Variants in LRP1B observed in about 807,000 individuals in gnomAD.
The protein encoded by LRP1B is LDL receptor related protein 1B.
Under a neutral mutation model 556.6 loss-of-function variants are expected in LRP1B, and 217 were observed. That is an observed-to-expected ratio of 0.39 (90% CI 0.35 to 0.44). The LOEUF (loss-of-function observed/expected upper bound fraction) is 0.44. Ranked by LOEUF, LRP1B falls within the 20% of genes least tolerant of loss-of-function variation. The pLI is 1.00. For missense variants in LRP1B, 5,053 were observed against 5,620.8 expected (o/e 0.90, Z 3.23); for synonymous variants, 2,047 against 1,865.8 (o/e 1.10, Z -2.50).
chr2:141,105,963 G>T (rs2104950980), intron 7 of LRP1B, among the ~76,000 whole-genome samples: 1 of 152,154 alleles, frequency 6.6e-6, no homozygotes, highest in East Asian at 1.9e-4. Flanking sequence ...GTTAAAAGTT[G>T]GGAGGAAATG....
chr2:140,647,921 C>CATT (rs1684542275), intron 41 of LRP1B, among the ~76,000 whole-genome samples: 1 of 152,138 alleles, frequency 6.6e-6, no homozygotes, highest in African/African-American at 2.4e-5. Context: ...CCATTTGACC[C>CATT]AGTGATCTCA....
At chr2:141,500,104 G>C (rs746596195) in intron 2 of LRP1B, among the ~76,000 whole-genome samples, 28 of 152,182 alleles carry the variant, frequency 1.8e-4, no homozygotes, top group Non-Finnish European at 3.4e-4. Context: ...TTAGGAAGAG[G>C]GGGATGTCTT....
At chr2:141,904,416 A>G (rs1699700744) in intron 1 of LRP1B, among the ~76,000 whole-genome samples, 1 of 151,822 alleles carries the variant, frequency 6.6e-6, no homozygotes, top group Non-Finnish European at 1.5e-5. Context: ...CTTATCCTGT[A>G]AAGGTGGTGT....
chr2:140,966,033 A>T (rs576449123), intron 18 of LRP1B, among the ~76,000 whole-genome samples: 8 of 152,312 alleles, frequency 5.3e-5, no homozygotes, highest in African/African-American at 1.7e-4. Flanking sequence ...ATGTGTCTTT[A>T]TAGAAGCATG....
intron 41 of LRP1B, among the ~76,000 whole-genome samples, chr2:140,639,466 A>G (rs1436947095): frequency 6.6e-6 from 1 of 152,196 alleles, no homozygotes. Flanking sequence ...CTTTACATGA[A>G]TAATTATGCA....
intron 52 of LRP1B, among the ~76,000 whole-genome samples, chr2:140,507,507 C>T (rs1689470453): frequency 6.6e-6 from 1 of 151,974 alleles, no homozygotes. Context: ...CCGTAAGTAC[C>T]ACACAAATGA....
chr2:140,325,096 AGTAGGGAAAAGAAAGTGAAACAGAAAG>A (rs1319607541), intron 80 of LRP1B, among the ~76,000 whole-genome samples: 2 of 152,110 alleles, frequency 1.3e-5, no homozygotes, highest in East Asian at 3.9e-4. Flanking sequence ...AAGGAGTTGA[AGTAGGGAAAAGAAAGTGAAACAGAAAG>A]GGAAGAAATT....
chr2:140,429,500 A>G (rs906460989), intron 66 of LRP1B, among the ~76,000 whole-genome samples: 49 of 152,248 alleles, frequency 3.2e-4, no homozygotes, highest in African/African-American at 7.2e-4. Flanking sequence ...CTGTACTGCC[A>G]CAAGGCTTCA....
At chr2:141,038,016 C>T (rs193009412) in intron 11 of LRP1B, among the ~76,000 whole-genome samples, 1 of 152,008 alleles carries the variant, frequency 6.6e-6, no homozygotes, top group East Asian at 1.9e-4. Context: ...TTTTTTAAAT[C>T]TCCTTACCTC....
intron 22 of LRP1B, among the ~76,000 whole-genome samples, chr2:140,903,471 C>T (rs1422124444): frequency 6.6e-6 from 1 of 151,980 alleles, no homozygotes; most frequent in Admixed American, 6.6e-5. Context: ...TCTATTATGA[C>T]TGGAAAGATT....
At chr2:141,328,177 A>G (rs113517755) in intron 3 of LRP1B, among the ~76,000 whole-genome samples, 3,191 of 152,312 alleles carry the variant, frequency 0.021, 57 homozygotes, top group Non-Finnish European at 0.034. Flanking sequence ...GCACTCATGC[A>G]TGTACATTCA....
intron 3 of LRP1B, among the ~76,000 whole-genome samples, chr2:141,401,144 G>A (rs938702094): frequency 1.3e-5 from 2 of 152,098 alleles, no homozygotes; most frequent in African/African-American, 4.8e-5. Context: ...TTCCCTTACT[G>A]ACATTAAAAT....
intron 3 of LRP1B, among the ~76,000 whole-genome samples, chr2:141,373,559 C>G (rs1689313800): frequency 6.6e-6 from 1 of 151,400 alleles, no homozygotes; most frequent in African/African-American, 2.4e-5. Flanking sequence ...TTGTTGTATC[C>G]TTTTAATAAA....
In LRP1B at chr2:140,558,281, T is replaced by G. The variant is rs1405950799; in HGVS notation, c.7195-16310A>C. Among the ~76,000 whole-genome samples the G allele has an allele frequency of 2.0e-5, 3 of 152,142 alleles. No individual in the cohort carries two copies. The East Asian group carries it at 5.8e-4, about 29-fold the overall frequency. Reference sequence around the variant, plus strand: ...TTTACCCAAGTAAAATGAAAATATATGTCTACACTAAAATTTGTACAGAAA... The same window carrying G: ...TTTACCCAAGTAAAATGAAAATATAGGTCTACACTAAAATTTGTACAGAAA... On this transcript the variant is annotated intron_variant, in intron 43 of 90. Coordinates refer to ENST00000389484, the MANE Select transcript of LRP1B (RefSeq NM_018557.3).
chr2:140,732,067 A>G (rs1687798152), intron 35 of LRP1B, among the ~76,000 whole-genome samples: 1 of 152,158 alleles, frequency 6.6e-6, no homozygotes, highest in Non-Finnish European at 1.5e-5. Flanking sequence ...GAATAACTCA[A>G]TAATGAAATT....
chr2:140,976,918 AATAAAT>A (rs770662849), intron 18 of LRP1B, among the ~76,000 whole-genome samples: 4 of 152,212 alleles, frequency 2.6e-5, no homozygotes, highest in African/African-American at 7.2e-5. Context: ...ATTAAAACAT[AATAAAT>A]ATAAACTATA....
chr2:141,064,062 C>CA (rs1201408605), intron 7 of LRP1B, among the ~76,000 whole-genome samples: 1 of 151,504 alleles, frequency 6.6e-6, no homozygotes, highest in East Asian at 2.0e-4. Context: ...TGACCCCTGA[C>CA]AAAAAAAGAG....
At chr2:141,991,688 C>T (rs1407472013) in intron 1 of LRP1B, among the ~76,000 whole-genome samples, 1 of 152,058 alleles carries the variant, frequency 6.6e-6, no homozygotes, top group Non-Finnish European at 1.5e-5. Flanking sequence ...TTTTATTTCA[C>T]ATGACTAAAC....
intron 2 of LRP1B, among the ~76,000 whole-genome samples, chr2:141,611,639 T>C (rs1302072154): frequency 6.6e-6 from 1 of 152,194 alleles, no homozygotes; most frequent in Non-Finnish European, 1.5e-5. Flanking sequence ...TCTGCTTCTA[T>C]ATGATTAACA....
Sources: gnomAD v4.1 joint callset for allele counts (sites outside exome capture counted in the v4.1 genomes callset) on GRCh38, gnomAD v4.1.1 for gene constraint, MANE v1.5 for transcripts, NCBI Gene and HGNC (gene_info 2026-07-23, HGNC 2026-07-21) for gene names.